The following LINGO2 variants were observed in gnomAD, a reference collection of about 807,000 sequenced individuals.
LINGO2 encodes the protein leucine rich repeat and Ig domain containing 2.
A neutral mutation model predicts 30.6 loss-of-function variants in LINGO2; 14 were observed. The observed-to-expected ratio is 0.46, with a 90% CI of 0.30 to 0.72. The LOEUF (loss-of-function observed/expected upper bound fraction) is 0.72, where lower values mean the gene tolerates loss of function less well. Among genes scored for constraint, LINGO2 ranks in the 30% least tolerant of loss-of-function variants. LINGO2 has a pLI of 0.07. For missense variants in LINGO2, 729 were observed against 751.7 expected, an observed-to-expected ratio of 0.97 and a Z score of 0.35; for synonymous variants, 317 against 288.5, an observed-to-expected ratio of 1.10 and a Z score of -1.00.
chr9:27,991,057 C>T (rs542913102), intron 5 of LINGO2, among the ~76,000 whole-genome samples: 21 of 151,894 alleles, frequency 1.4e-4, no homozygotes, highest in African/African-American at 2.9e-4. Flanking sequence ...TATACTATAC[C>T]GAAAAGCCAA....
the LINGO2 span, among the ~76,000 whole-genome samples, chr9:28,718,133 G>A: frequency 0.053 from 8,035 of 151,782 alleles, 683 homozygotes; most frequent in African/African-American, 0.18. Flanking sequence ...AGCTTCATGG[G>A]GGAGATGAAA....
In LINGO2 at chr9:28,145,639, C is replaced by T. The variant is rs1000071245; in HGVS notation, c.-86-133234G>A. Reference sequence around the variant, plus strand: ...GTGTTAATTTTTTTCTTCTCTCTCTCCTTCTCTCCCTCCCTCACTTCTCTT... The same window carrying T: ...GTGTTAATTTTTTTCTTCTCTCTCTTCTTCTCTCCCTCCCTCACTTCTCTT... On this transcript the variant is annotated intron_variant, in intron 4 of 5. Transcript: ENST00000379992. 1.4e-4 allele frequency among the ~76,000 whole-genome samples: 21 copies of T among 152,054 alleles called. 1 individual carries two copies. Among genetic ancestry groups the T allele is most frequent in the African/African-American group, 4.6e-4 (19 of 41,504 alleles).
At chr9:28,093,529 G>T (rs1563970339) in intron 4 of LINGO2, among the ~76,000 whole-genome samples, 1 of 148,562 alleles carries the variant, frequency 6.7e-6, no homozygotes, top group African/African-American at 2.5e-5. Flanking sequence ...CTAAACATTA[G>T]TTTTTTTTTT....
chr9:28,306,673 G>T (rs1824372125), intron 3 of LINGO2, among the ~76,000 whole-genome samples: 1 of 152,138 alleles, frequency 6.6e-6, no homozygotes, highest in Admixed American at 6.5e-5. Context: ...AAAATTGATA[G>T]ACCGCTAGCA....
In LINGO2 at chr9:28,118,951, G is replaced by T. The variant is rs563049790; in HGVS notation, c.-86-106546C>A. Reference sequence around the variant, plus strand: ...AGTTGATGCTACATATTTATCATAAGGGCTTGGAAATTAATTGTATAATTT... The same window carrying T: ...AGTTGATGCTACATATTTATCATAATGGCTTGGAAATTAATTGTATAATTT... On this transcript the variant is annotated intron_variant, in intron 4 of 5. Transcript: ENST00000379992. Among the ~76,000 whole-genome samples the T allele has an allele frequency of 1.4e-3, 213 of 152,196 alleles. 4 individuals are homozygous for T. The highest frequency in any genetic ancestry group is 5.0e-3 in the African/African-American group (207 of 41,506).
At chr9:28,392,990 C>T (rs1213365411) in intron 2 of LINGO2, among the ~76,000 whole-genome samples, 1 of 152,184 alleles carries the variant, frequency 6.6e-6, no homozygotes, top group Non-Finnish European at 1.5e-5. Context: ...TCCCTAGGAA[C>T]TTCTTAATAC....
At chr9:28,408,392 G>A (rs552772655) in intron 2 of LINGO2, among the ~76,000 whole-genome samples, 27 of 152,208 alleles carry the variant, frequency 1.8e-4, no homozygotes, top group African/African-American at 6.3e-4. Context: ...ATTTGGAAAA[G>A]CCTCCAGAGG....
intron 4 of LINGO2, among the ~76,000 whole-genome samples, chr9:28,275,193 C>T (rs889734299): frequency 1.7e-4 from 26 of 152,052 alleles, no homozygotes; most frequent in African/African-American, 5.3e-4. Context: ...CTCAGCCTCC[C>T]GAGTAGCTGG....
chr9:28,489,136 T>A (rs983750911), intron 1 of LINGO2, among the ~76,000 whole-genome samples: 1 of 152,212 alleles, frequency 6.6e-6, no homozygotes, highest in Non-Finnish European at 1.5e-5. Context: ...CTGGCATAAA[T>A]TGTCAGTTTC....
chr9:28,884,697 G>GCA, the LINGO2 span, among the ~76,000 whole-genome samples: 1 of 138,026 alleles, frequency 7.2e-6, no homozygotes, highest in African/African-American at 2.7e-5. Context: ...GTATGTATGT[G>GCA]TATATATATA....
At chr9:29,195,364 GGT>G in the LINGO2 span, among the ~76,000 whole-genome samples, 2 of 148,586 alleles carry the variant, frequency 1.3e-5, no homozygotes, top group Middle Eastern at 3.2e-3. Context: ...TGTGTGTGTG[GGT>G]GTGTGTGTGG....
the LINGO2 span, among the ~76,000 whole-genome samples, chr9:28,725,975 C>A: frequency 3.3e-5 from 5 of 152,006 alleles, no homozygotes; most frequent in African/African-American, 1.2e-4. Flanking sequence ...TGTAATATAT[C>A]AAATAATAAA....
At chr9:29,153,417 C>A in the LINGO2 span, among the ~76,000 whole-genome samples, 3 of 152,026 alleles carry the variant, frequency 2.0e-5, no homozygotes, top group African/African-American at 7.2e-5. Flanking sequence ...TCATACATTG[C>A]TAGAACCGTA....
At chr9:28,486,050 A>G (rs1010962190) in intron 1 of LINGO2, among the ~76,000 whole-genome samples, 4 of 152,120 alleles carry the variant, frequency 2.6e-5, no homozygotes, top group Admixed American at 2.6e-4. Flanking sequence ...ACTTTTTGGT[A>G]GGAGAAAAGG....
chr9:27,964,533 C>T (rs751726543), intron 5 of LINGO2, among the ~76,000 whole-genome samples: 5 of 151,930 alleles, frequency 3.3e-5, no homozygotes, highest in African/African-American at 4.8e-5. Flanking sequence ...GCAATGAAAT[C>T]GATATAAAAT....
At chr9:28,588,687 A>G (rs1183261683) in intron 1 of LINGO2, among the ~76,000 whole-genome samples, 1 of 152,022 alleles carries the variant, frequency 6.6e-6, no homozygotes, top group Non-Finnish European at 1.5e-5. Context: ...AGTCAAGGCT[A>G]GCATTTGGTG....
At chr9:28,573,556 T>C (rs934511607) in intron 1 of LINGO2, among the ~76,000 whole-genome samples, 7 of 152,140 alleles carry the variant, frequency 4.6e-5, no homozygotes, top group African/African-American at 1.7e-4. Flanking sequence ...TGCAGGAACA[T>C]GACTATTTTC....
At chr9:28,348,242 T>G (rs1037568957) in intron 3 of LINGO2, among the ~76,000 whole-genome samples, 2 of 152,108 alleles carry the variant, frequency 1.3e-5, no homozygotes, top group South Asian at 2.1e-4. Flanking sequence ...GGTACCGGGT[T>G]CATCTCACTA....
At chr9:29,036,404 A>G in the LINGO2 span, among the ~76,000 whole-genome samples, 1 of 152,126 alleles carries the variant, frequency 6.6e-6, no homozygotes, top group African/African-American at 2.4e-5. Context: ...CAAAGAAACC[A>G]GAAGAAAAAA....
Sources: gnomAD v4.1 joint callset for allele counts (sites outside exome capture counted in the v4.1 genomes callset) on GRCh38, gnomAD v4.1.1 for gene constraint, MANE v1.5 for transcripts, NCBI Gene and HGNC (gene_info 2026-07-23, HGNC 2026-07-21) for gene names.